The following NRXN1 variants were observed in gnomAD, a reference collection of about 807,000 sequenced individuals.
NRXN1 encodes neurexin 1.
NRXN1 carries 39 observed loss-of-function variants against 150.9 expected under a neutral mutation model. That is an observed-to-expected ratio of 0.26 (90% CI 0.20 to 0.34). The LOEUF is 0.34. NRXN1 is among the 10% of genes least tolerant of loss of function. NRXN1 has a pLI of 1.00. For synonymous variants in NRXN1, 924 were observed against 757.0 expected (o/e 1.22, Z -3.62); for missense variants, 1,815 against 1,949.9 (o/e 0.93, Z 1.30).
chr2:50,018,371 A>G, intron 21 of NRXN1, among the ~76,000 whole-genome samples: 1 of 152,094 alleles, frequency 6.6e-6, no homozygotes, highest in East Asian at 1.9e-4. Flanking sequence ...CTTTTCTCCT[A>G]CTCAAAGAGC....
At chr2:50,999,703 G>C (rs770152983) in intron 2 of NRXN1, among the ~76,000 whole-genome samples, 48 of 151,952 alleles carry the variant, frequency 3.2e-4, no homozygotes, top group Non-Finnish European at 5.7e-4. Context: ...AGTAACTCAG[G>C]TCAAACATTT....
chr2:50,412,401 T>C (rs2083257958), intron 17 of NRXN1, among the ~76,000 whole-genome samples: 1 of 151,926 alleles, frequency 6.6e-6, no homozygotes, highest in African/African-American at 2.4e-5. Context: ...AAAATACATA[T>C]TCATAAGTAT....
chr2:50,684,863 C>A (rs1215485421), intron 5 of NRXN1, among the ~76,000 whole-genome samples: 1 of 152,056 alleles, frequency 6.6e-6, no homozygotes, highest in Admixed American at 6.5e-5. Context: ...TTGTAAGTTT[C>A]TTTGCTTACA....
Position 50,465,495 on chromosome 2 carries a change from C to T in NRXN1, c.3311G>A (p.Gly1104Asp), listed in dbSNP as rs376483387. 5.0e-6 allele frequency: 8 copies of T among 1,610,770 alleles called. No individual in the cohort carries two copies. The highest frequency in any genetic ancestry group is 1.7e-6 in the Non-Finnish European group (2 of 1,178,138). Residue 1104 changes from glycine (G) to aspartate (D), a missense_variant, in exon 17 of 23, where the codon GGC (glycine) becomes GAC (aspartate). By Grantham distance (94) the Gly-to-Asp change is moderately conservative. This residue lies in a region of NRXN1 where 339 missense variants were observed against 440.3 expected (regional missense o/e 0.77). Transcript: ENST00000401669. ...AGTCATACTACAGTCACAGCTGAAG[C>T]CATCCCATTGTTGCAAGCACACACC... ...NQGVCLQQWD[G>D]FSCDCSMTSF...
At chr2:51,005,857 A>G (rs1406930745) in intron 2 of NRXN1, among the ~76,000 whole-genome samples, 1 of 151,878 alleles carries the variant, frequency 6.6e-6, no homozygotes, top group Non-Finnish European at 1.5e-5. Flanking sequence ...GTGGATTAAA[A>G]CAAAAATGAC....
chr2:50,960,678 T>C (rs1165234921), intron 2 of NRXN1, among the ~76,000 whole-genome samples: 1 of 151,876 alleles, frequency 6.6e-6, no homozygotes, highest in Admixed American at 6.6e-5. Flanking sequence ...TTGCAGAAGC[T>C]CTCTGCCAGA....
intron 5 of NRXN1, among the ~76,000 whole-genome samples, chr2:50,796,681 A>C (rs1706875922): frequency 6.6e-6 from 1 of 152,180 alleles, no homozygotes; most frequent in Non-Finnish European, 1.5e-5. Flanking sequence ...AAAGTTGCTA[A>C]TCAGATTTCA....
At chr2:50,408,237 T>C (rs1473850826) in intron 17 of NRXN1, among the ~76,000 whole-genome samples, 2 of 152,186 alleles carry the variant, frequency 1.3e-5, no homozygotes, top group African/African-American at 4.8e-5. Flanking sequence ...GAGTCTACAA[T>C]AGATTAACAT....
At chr2:50,047,328 T>A (rs989236753) in intron 21 of NRXN1, among the ~76,000 whole-genome samples, 3 of 152,120 alleles carry the variant, frequency 2.0e-5, no homozygotes, top group Non-Finnish European at 2.9e-5. Context: ...CAGACATATA[T>A]ATATATGTCT....
intron 5 of NRXN1, among the ~76,000 whole-genome samples, chr2:50,765,104 A>G (rs944926517): frequency 5.3e-5 from 8 of 152,070 alleles, no homozygotes; most frequent in Admixed American, 5.2e-4. Context: ...ACTCTGTCCA[A>G]TCAAAAGATA....
At position 50,664,928 on chromosome 2, in the gene NRXN1, AT is replaced by A. The variant is rs572389865; in HGVS notation, c.833-41314del. 2.6e-5 allele frequency among the ~76,000 whole-genome samples: 4 copies of A among 152,166 alleles called. No individual in the cohort carries two copies. In the East Asian group the frequency reaches 5.8e-4, roughly 22 times the overall value. On this transcript the variant is annotated intron_variant, in intron 5 of 22. Coordinates refer to ENST00000401669, the MANE Select transcript of NRXN1 (RefSeq NM_001330078.2). ...ATATTTATCCTTCAAATTAAAAAAA[AT>A]CATGTAATTTTTGGTTCTTTCACAT...
chr2:50,068,262 G>A (rs1439441233), intron 19 of NRXN1, among the ~76,000 whole-genome samples: 1 of 152,082 alleles, frequency 6.6e-6, no homozygotes, highest in Non-Finnish European at 1.5e-5. Context: ...CCAAGAGTTG[G>A]ATAAAGGTGC....
chr2:50,092,406 C>G (rs1054668334), intron 18 of NRXN1, among the ~76,000 whole-genome samples: 5 of 152,172 alleles, frequency 3.3e-5, no homozygotes, highest in African/African-American at 1.2e-4. Context: ...TGGATTTGTC[C>G]TTAATCAGTT....
At chr2:51,021,728 CT>C (rs1284077208) in intron 2 of NRXN1, among the ~76,000 whole-genome samples, 2 of 151,796 alleles carry the variant, frequency 1.3e-5, no homozygotes, top group African/African-American at 4.8e-5. Flanking sequence ...TTCAATAAAT[CT>C]TTTTTATACT....
In NRXN1 at chr2:51,024,440, C is replaced by G. The variant is rs370388958; in HGVS notation, c.772+3062G>C. Among the ~76,000 whole-genome samples, 52 of 152,064 alleles carry G rather than the reference C, an allele frequency of 3.4e-4. 1 individual carries two copies. The highest frequency in any genetic ancestry group is 1.2e-3 in the African/African-American group (50 of 41,478). Reference sequence around the variant, plus strand: ...ACTGGAAATCTTATTTGCCAGACGTCAAGAAAAAGGGCTTGGGAACAAATA... The same window carrying G: ...ACTGGAAATCTTATTTGCCAGACGTGAAGAAAAAGGGCTTGGGAACAAATA... On this transcript the variant is annotated intron_variant, in intron 2 of 22. Transcript: ENST00000401669.
chr2:50,451,332 T>C (rs1050727048), intron 17 of NRXN1, among the ~76,000 whole-genome samples: 1 of 152,214 alleles, frequency 6.6e-6, no homozygotes, highest in African/African-American at 2.4e-5. Flanking sequence ...AAAGTATAAA[T>C]GTTTTCCTGG....
At chr2:49,932,397 G>A (rs184971271) in intron 22 of NRXN1, among the ~76,000 whole-genome samples, 1 of 152,238 alleles carries the variant, frequency 6.6e-6, no homozygotes, top group East Asian at 1.9e-4. Context: ...CTCCTGCTGG[G>A]CAATAGAGAA....
chr2:50,356,083 C>A (rs373060921), intron 17 of NRXN1, among the ~76,000 whole-genome samples: 1 of 151,734 alleles, frequency 6.6e-6, no homozygotes, highest in South Asian at 2.1e-4. Context: ...AAAGAAAGTA[C>A]TGCCAAGCTA....
chr2:50,327,084 C>T (rs1488643578), intron 17 of NRXN1, among the ~76,000 whole-genome samples: 1 of 152,138 alleles, frequency 6.6e-6, no homozygotes, highest in Non-Finnish European at 1.5e-5. Context: ...ACTATTGTGT[C>T]CCAACTCATT....
Sources: gnomAD v4.1 joint callset for allele counts (sites outside exome capture counted in the v4.1 genomes callset) on GRCh38, gnomAD v4.1.1 for gene constraint, gnomAD v4.1.1 regional missense constraint, MANE v1.5 for transcripts, NCBI Gene and HGNC (gene_info 2026-07-23, HGNC 2026-07-21) for gene names.